MAD1L1: variants seen among roughly 807,000 people sequenced by gnomAD.
MAD1L1 encodes mitotic arrest deficient 1 like 1, also known as mitotic spindle assembly checkpoint protein MAD1.
MAD1L1 carries 95 observed loss-of-function variants against 96.9 expected under a neutral mutation model. The observed-to-expected ratio is 0.98, with a 90% CI of 0.83 to 1.16. MAD1L1 has a LOEUF of 1.16. Ranked by LOEUF, MAD1L1 falls within the 50% of genes most tolerant of loss-of-function variation. The pLI, the probability that MAD1L1 is intolerant of heterozygous loss-of-function variation, is 0.00. For missense variants in MAD1L1, 1,007 were observed against 954.4 expected (o/e 1.06, Z -0.73); for synonymous variants, 473 against 396.6 (o/e 1.19, Z -2.29).
At chr7:1,861,369 C>T (rs184967132) in intron 18 of MAD1L1, among the ~76,000 whole-genome samples, 2 of 152,224 alleles carry the variant, frequency 1.3e-5, no homozygotes, top group Admixed American at 6.5e-5. Context: ...GCCACAAGGG[C>T]CAGGACACGC....
chr7:2,214,310 A>G (rs983086129), intron 9 of MAD1L1, among the ~76,000 whole-genome samples: 6 of 152,228 alleles, frequency 3.9e-5, no homozygotes, highest in African/African-American at 7.2e-5. Flanking sequence ...AAGATGTCGC[A>G]TGGGAGCTGT....
At chr7:2,209,274 C>T (rs1420300291) in intron 10 of MAD1L1, among the ~76,000 whole-genome samples, 1 of 152,202 alleles carries the variant, frequency 6.6e-6, no homozygotes, top group Non-Finnish European at 1.5e-5. Context: ...GGTGACCAGG[C>T]CACTCTCTCC....
intron 16 of MAD1L1, among the ~76,000 whole-genome samples, chr7:1,943,771 C>T (rs1032582097): frequency 3.3e-5 from 5 of 152,062 alleles, no homozygotes; most frequent in African/African-American, 7.2e-5. Context: ...TACACAGACT[C>T]GTCCGTGAAT....
intron 18 of MAD1L1, among the ~76,000 whole-genome samples, chr7:1,817,873 G>A: frequency 6.6e-6 from 1 of 152,024 alleles, no homozygotes; most frequent in South Asian, 2.1e-4. Context: ...GCCCCGCCCT[G>A]ATGGTGTCGC....
chr7:1,886,319 C>G (rs926755325), intron 18 of MAD1L1, among the ~76,000 whole-genome samples: 1 of 152,204 alleles, frequency 6.6e-6, no homozygotes, highest in South Asian at 2.1e-4. Flanking sequence ...CCCACTTATT[C>G]ACAAGCCTGC....
chr7:1,885,680 A>C (rs761085804), intron 18 of MAD1L1, among the ~76,000 whole-genome samples: 2 of 152,100 alleles, frequency 1.3e-5, no homozygotes, highest in African/African-American at 4.8e-5. Flanking sequence ...TGACAACCCC[A>C]AGGTGCCCAC....
At chr7:1,936,229 G>A (rs1461423281) in intron 17 of MAD1L1, among the ~76,000 whole-genome samples, 1 of 152,246 alleles carries the variant, frequency 6.6e-6, no homozygotes, top group East Asian at 1.9e-4. Context: ...CCTGGAGGGT[G>A]TGGGCAGGCC....
chr7:2,170,022 T>A (rs956656644), intron 10 of MAD1L1, among the ~76,000 whole-genome samples: 1 of 152,124 alleles, frequency 6.6e-6, no homozygotes, highest in African/African-American at 2.4e-5. Flanking sequence ...GATGAATGCA[T>A]CCGAAGGGGC....
In MAD1L1 at chr7:1,865,799, G is replaced by GCT. The variant is rs201048267; in HGVS notation, c.1998+32399_1998+32400dup. 1.8e-3 allele frequency among the ~76,000 whole-genome samples: 274 copies of GCT among 152,338 alleles called. 2 individuals are homozygous for GCT. The highest frequency in any genetic ancestry group is 5.9e-3 in the African/African-American group (247 of 41,582). ...GGCTGCTACGGGATCTACAGCGACT[G>GCT]CTCTCTCTCTCGAATGGCAGCCCCT... On this transcript the variant is annotated intron_variant, in intron 18 of 18. Transcript: ENST00000265854.
intron 11 of MAD1L1, among the ~76,000 whole-genome samples, chr7:2,106,349 C>T (rs1276229169): frequency 6.6e-6 from 1 of 151,690 alleles, no homozygotes; most frequent in Non-Finnish European, 1.5e-5. Flanking sequence ...CGGCCCCACC[C>T]TGCCCTTCCT....
chr7:2,203,221 G>A (rs571513781), intron 10 of MAD1L1, among the ~76,000 whole-genome samples: 65 of 152,362 alleles, frequency 4.3e-4, no homozygotes, highest in Admixed American at 8.5e-4. Context: ...GTGGGGGCTC[G>A]GCTACAGGAC....
chr7:2,007,096 C>A (rs1782065381), intron 13 of MAD1L1, among the ~76,000 whole-genome samples: 1 of 152,108 alleles, frequency 6.6e-6, no homozygotes. Context: ...AGATGGGCAG[C>A]TGGGCCTGGC....
At chr7:1,992,526 C>T (rs1379182973) in intron 14 of MAD1L1, among the ~76,000 whole-genome samples, 1 of 152,218 alleles carries the variant, frequency 6.6e-6, no homozygotes, top group African/African-American at 2.4e-5. Context: ...ATAAAGAGCC[C>T]CTGCTTAGAA....
At chr7:2,066,773 C>T (rs1384721578) in intron 12 of MAD1L1, among the ~76,000 whole-genome samples, 3 of 152,210 alleles carry the variant, frequency 2.0e-5, no homozygotes, top group East Asian at 1.9e-4. Flanking sequence ...TCATCACGGC[C>T]GGGAGCCCTG....
chr7:2,117,570 A>G (rs1387229343), intron 11 of MAD1L1, among the ~76,000 whole-genome samples: 2 of 152,150 alleles, frequency 1.3e-5, no homozygotes, highest in Non-Finnish European at 2.9e-5. Flanking sequence ...AGCTCTCGAG[A>G]GAGGTGACTG....
chr7:2,043,747 C>T (rs919306411), intron 12 of MAD1L1, among the ~76,000 whole-genome samples: 9 of 152,262 alleles, frequency 5.9e-5, no homozygotes, highest in Non-Finnish European at 1.3e-4. Flanking sequence ...CACCCCAGGC[C>T]TCCTGCCAGG....
intron 10 of MAD1L1, among the ~76,000 whole-genome samples, chr7:2,168,486 C>T (rs988567312): frequency 1.3e-5 from 2 of 152,234 alleles, no homozygotes; most frequent in African/African-American, 2.4e-5. Context: ...CAGCCATGCA[C>T]CTGCAGGCCT....
In MAD1L1 at chr7:2,230,006, A is replaced by G. The variant is rs1176911300; in HGVS notation, c.128T>C (p.Met43Thr). Reference sequence around the variant, plus strand: ...CACCTGCATGCTCTGCTGGTACTGCATCTGCAGAGAACCTGGGGCCGAGGT... The same window carrying G: ...CACCTGCATGCTCTGCTGGTACTGCGTCTGCAGAGAACCTGGGGCCGAGGT... ...ISTSAPGSLQ[M>T]QYQQSMQLEE... The change falls in exon 3 of 19, where the codon ATG becomes ACG. Residue 43 changes from methionine to threonine, a missense_variant. Coordinates refer to ENST00000265854, the MANE Select transcript of MAD1L1 (RefSeq NM_001013836.2). 2 of 1,613,112 alleles carry G rather than the reference A, an allele frequency of 1.2e-6. No individual in the cohort carries two copies. Among genetic ancestry groups the G allele is most frequent in the Non-Finnish European group, 1.7e-6 (2 of 1,180,020 alleles).
chr7:1,869,714 C>A (rs914202894), intron 18 of MAD1L1, among the ~76,000 whole-genome samples: 2 of 152,190 alleles, frequency 1.3e-5, no homozygotes, highest in African/African-American at 2.4e-5. Context: ...CACACTAGCA[C>A]GGGTTGAGGG....
Sources: gnomAD v4.1 joint callset for allele counts (sites outside exome capture counted in the v4.1 genomes callset) on GRCh38, gnomAD v4.1.1 for gene constraint, MANE v1.5 for transcripts, NCBI Gene and HGNC (gene_info 2026-07-23, HGNC 2026-07-21) for gene names.